EFCAB7: variants seen among roughly 807,000 people sequenced by gnomAD.
The protein encoded by EFCAB7 is EF-hand calcium binding domain 7.
EFCAB7 carries 66 observed loss-of-function variants against 77.1 expected under a neutral mutation model. The observed-to-expected ratio is 0.86, with a 90% CI of 0.70 to 1.05. EFCAB7 has a LOEUF of 1.05. EFCAB7 is among the 50% of genes least tolerant of loss of function. EFCAB7 has a pLI of 0.00. For synonymous variants in EFCAB7, 225 were observed against 243.3 expected, an observed-to-expected ratio of 0.92 and a Z score of 0.70; for missense variants, 638 against 730.5, an observed-to-expected ratio of 0.87 and a Z score of 1.46.
Position 63,534,221 on chromosome 1 carries a change from A to G in EFCAB7, c.804+5A>G, listed in dbSNP as rs1646736291. 1.2e-6 allele frequency: 2 copies of G among 1,607,276 alleles called. No homozygotes were observed. The highest frequency in any genetic ancestry group is 1.7e-6 in the Non-Finnish European group (2 of 1,176,900). On this transcript the variant is annotated splice_donor_5th_base_variant and intron_variant, in intron 6 of 13. Transcript: ENST00000371088. ...ATGGAGCCAAATTTAATAAAGGTAT[A>G]GTATTTTAAGTTAACAGATGACTTT...
intron 5 of EFCAB7, 87 bp downstream of exon 5, chr1:63,533,736 T>A: frequency 9.9e-7 from 1 of 1,007,752 alleles, no homozygotes; most frequent in Non-Finnish European, 1.4e-6. Context: ...AGCTTATCAG[T>A]GATAAAACAA....
Position 63,555,439 on chromosome 1 carries a change from A to G in EFCAB7, c.1138A>G (p.Ile380Val). 1 of 1,614,104 alleles carries G rather than the reference A, an allele frequency of 6.2e-7. No homozygotes were observed. The highest frequency in any genetic ancestry group is 8.5e-7 in the Non-Finnish European group (1 of 1,179,984). ...STTGCRLRKK[I>V]KPVTDEAQLV... is the part of the protein sequence containing the mutation. ...AACTGGCTGTAGGCTGAGGAAAAAA[A>G]TAAAACCAGTAACAGATGAAGCCCA... is the stretch of plus-strand genomic sequence containing the variant. The change falls in exon 9 of 14, where the codon ATA becomes GTA. Residue 380 changes from isoleucine to valine, a missense_variant. By Grantham distance (29) the Ile-to-Val change is conservative (BLOSUM62 3). Coordinates refer to ENST00000371088, the MANE Select transcript of EFCAB7 (RefSeq NM_032437.4).
chr1:63,573,709 C>A (rs1372313716), downstream of EFCAB7, among the ~76,000 whole-genome samples: 4 of 152,108 alleles, frequency 2.6e-5, no homozygotes, highest in East Asian at 7.7e-4. Context: ...GGTCTGGTGT[C>A]TGGAATGAGA....
At chr1:63,572,119 C>T (rs993782809) in intron 13 of EFCAB7, among the ~76,000 whole-genome samples, 36 of 152,198 alleles carry the variant, frequency 2.4e-4, no homozygotes, top group Admixed American at 1.3e-4. Flanking sequence ...AAGAGATTAT[C>T]TTTTCTGTTT....
the EFCAB7 span, among the ~76,000 whole-genome samples, chr1:63,582,789 A>C: frequency 1.3e-5 from 2 of 152,020 alleles, no homozygotes; most frequent in Non-Finnish European, 2.9e-5. Context: ...ATTCTTGGTA[A>C]AGATGGGGTT....
At chr1:63,579,385 A>G in the EFCAB7 span, among the ~76,000 whole-genome samples, 4 of 152,216 alleles carry the variant, frequency 2.6e-5, no homozygotes, top group Non-Finnish European at 5.9e-5. Flanking sequence ...TCCAAATTGT[A>G]TGTATCAATA....
At chr1:63,529,504 A>G (rs9436244) in intron 2 of EFCAB7, 115,181 of 151,652 alleles carry the variant, frequency 0.76, 44,354 homozygotes, top group African/African-American at 0.87. Context: ...ACCTGAGGTC[A>G]GGAGTTTGAG....
chr1:63,573,634 G>A (rs184797808), downstream of EFCAB7, among the ~76,000 whole-genome samples: 2 of 152,276 alleles, frequency 1.3e-5, no homozygotes, highest in Non-Finnish European at 2.9e-5. Context: ...AGAGAACGGT[G>A]AATAGGAGTA....
At chr1:63,535,874 T>C (rs1211463566) in intron 6 of EFCAB7, among the ~76,000 whole-genome samples, 2 of 152,108 alleles carry the variant, frequency 1.3e-5, no homozygotes, top group African/African-American at 2.4e-5. Flanking sequence ...AATCTACTGT[T>C]GTGTTATATA....
chr1:63,575,525 C>T (rs1381836880), downstream of EFCAB7, among the ~76,000 whole-genome samples: 1 of 152,116 alleles, frequency 6.6e-6, no homozygotes, highest in Non-Finnish European at 1.5e-5. Flanking sequence ...TCCTTTATGA[C>T]TTCTAAGACT....
intron 11 of EFCAB7, among the ~76,000 whole-genome samples, chr1:63,563,945 T>G (rs1647140724): frequency 6.6e-6 from 1 of 152,150 alleles, no homozygotes; most frequent in Non-Finnish European, 1.5e-5. Flanking sequence ...GAAACTTACA[T>G]GTTTAGTTTT....
At chr1:63,541,401 A>T (rs1371056770) in intron 6 of EFCAB7, among the ~76,000 whole-genome samples, 1 of 152,220 alleles carries the variant, frequency 6.6e-6, no homozygotes, top group Non-Finnish European at 1.5e-5. Context: ...TAGCTTTAAA[A>T]ATATACATAC....
At chr1:63,526,289 G>A (rs1646588527) in intron 2 of EFCAB7, among the ~76,000 whole-genome samples, 1 of 151,714 alleles carries the variant, frequency 6.6e-6, no homozygotes, top group African/African-American at 2.4e-5. Context: ...CATTACAAAG[G>A]TCCCCAAAAC....
chr1:63,558,625 A>C (rs557401059), intron 10 of EFCAB7, among the ~76,000 whole-genome samples: 1 of 152,248 alleles, frequency 6.6e-6, no homozygotes, highest in South Asian at 2.1e-4. Context: ...AAGAAATGAG[A>C]GCTTTTAAGG....
intron 13 of EFCAB7, 138 bp from the exon 14 acceptor site, chr1:63,572,304 G>C: frequency 1.6e-6 from 1 of 612,376 alleles, no homozygotes; most frequent in Non-Finnish European, 2.7e-6. Context: ...GCTAGTCTCT[G>C]CTAAGGACAA....
rs1646946136 is a variant in EFCAB7, at chr1:63,549,936, C to T, written c.947-1789C>T. On this transcript the variant is annotated intron_variant, in intron 7 of 13. Coordinates refer to ENST00000371088, the MANE Select transcript of EFCAB7 (RefSeq NM_032437.4). ...GCAAAAAACATGAGTAGTACAGATT[C>T]TCCTCTAATTCTGTAGGACTTTGAA... The T allele has an allele frequency of 1.9e-5, 3 of 154,314 alleles. No individual in the cohort carries two copies. In the Admixed American group the frequency reaches 2.0e-4, roughly 10 times the overall value. 9.6% of individuals were successfully genotyped at this position (154,314 alleles called of 1,614,324 possible).
chr1:63,565,020 T>A (rs1391433025), intron 11 of EFCAB7, among the ~76,000 whole-genome samples: 1 of 152,180 alleles, frequency 6.6e-6, no homozygotes, highest in African/African-American at 2.4e-5. Context: ...ATGCAGAAGA[T>A]TGAAACTGGA....
chr1:63,565,373 C>A (rs186603561), intron 11 of EFCAB7, among the ~76,000 whole-genome samples: 5 of 149,666 alleles, frequency 3.3e-5, no homozygotes, highest in East Asian at 3.9e-4. Context: ...AAAAAAACAA[C>A]AACAACAAAA....
chr1:63,532,652 C>CT lies in EFCAB7; in HGVS notation c.400-16dup. ...GTAATCATGTTGCTTTAAAATAAATCTTGTTTTTTTTTTTCAGAGAGGTGA... is the reference window on the plus strand; with the variant it reads ...GTAATCATGTTGCTTTAAAATAAATCTTTGTTTTTTTTTTTCAGAGAGGTGA... On this transcript the variant is annotated splice_polypyrimidine_tract_variant and intron_variant, in intron 3 of 13. Coordinates refer to ENST00000371088, the MANE Select transcript of EFCAB7 (RefSeq NM_032437.4). 2 of 1,557,404 alleles carry CT rather than the reference C, an allele frequency of 1.3e-6. No homozygotes were observed. Among genetic ancestry groups the CT allele is most frequent in the Non-Finnish European group, 1.7e-6 (2 of 1,149,888 alleles).
Sources: allele counts gnomAD v4.1 joint callset (sites outside exome capture counted in the v4.1 genomes callset), GRCh38; gene constraint gnomAD v4.1.1; transcripts MANE v1.5; gene names NCBI Gene and HGNC (gene_info 2026-07-23, HGNC 2026-07-21).